BCL2L13: variants seen among roughly 807,000 people sequenced by gnomAD.
BCL2L13 encodes bcl-2-like protein 13.
Under a neutral mutation model 25.8 loss-of-function variants are expected in BCL2L13, and 13 were observed. That is an observed-to-expected ratio of 0.50 (90% CI 0.33 to 0.80). BCL2L13 has a LOEUF of 0.80. Ranked by LOEUF, BCL2L13 falls within the 30% of genes least tolerant of loss-of-function variation. The pLI is 0.02. For synonymous variants in BCL2L13, 244 were observed against 230.3 expected, an observed-to-expected ratio of 1.06 and a Z score of -0.54; for missense variants, 504 against 574.9, an observed-to-expected ratio of 0.88 and a Z score of 1.26.
intron 2 of BCL2L13, among the ~76,000 whole-genome samples, chr22:17,677,402 ATC>A (rs1391111033): frequency 6.6e-6 from 1 of 152,200 alleles, no homozygotes; most frequent in Non-Finnish European, 1.5e-5. Context: ...TTCAAAGCCC[ATC>A]TGAGAATTTG....
At chr22:17,640,683 C>T (rs1385020173) in intron 1 of BCL2L13, among the ~76,000 whole-genome samples, 7 of 148,616 alleles carry the variant, frequency 4.7e-5, no homozygotes, top group Admixed American at 3.4e-4. Flanking sequence ...ATAAGGAGAC[C>T]TTGTCTTCAC....
chr22:17,671,027 G>A (rs1006887806), intron 2 of BCL2L13, among the ~76,000 whole-genome samples: 15 of 152,144 alleles, frequency 9.9e-5, no homozygotes, highest in African/African-American at 3.6e-4. Context: ...TTGGGAGGCC[G>A]AGGTGGGCAG....
intron 2 of BCL2L13, among the ~76,000 whole-genome samples, chr22:17,660,962 A>G (rs1351693085): frequency 7.1e-6 from 1 of 140,670 alleles, no homozygotes; most frequent in Non-Finnish European, 1.6e-5. Context: ...TTTTTTTAGT[A>G]GAGACGGGGC....
intron 2 of BCL2L13, among the ~76,000 whole-genome samples, chr22:17,679,740 C>T (rs2059679374): frequency 6.6e-6 from 1 of 152,010 alleles, no homozygotes; most frequent in African/African-American, 2.4e-5. Context: ...TGCTGTTTTA[C>T]CCCCAAATTT....
At chr22:17,679,458 C>T (rs1250309028) in intron 2 of BCL2L13, among the ~76,000 whole-genome samples, 2 of 151,464 alleles carry the variant, frequency 1.3e-5, no homozygotes, top group African/African-American at 2.4e-5. Context: ...TTAGTAGAGA[C>T]GGGATTTCAC....
intron 6 of BCL2L13, among the ~76,000 whole-genome samples, chr22:17,723,424 T>G (rs1486440408): frequency 6.6e-6 from 1 of 152,240 alleles, no homozygotes; most frequent in East Asian, 1.9e-4. Context: ...AGGAAAAGTT[T>G]GTAAATTACC....
At chr22:17,655,605 C>T in intron 1 of BCL2L13, 57 bp from the exon 2 acceptor site, 1 of 1,377,862 alleles carries the variant, frequency 7.3e-7, no homozygotes. Flanking sequence ...TGTGAAACAA[C>T]TGTTAAAGTG....
intron 6 of BCL2L13, among the ~76,000 whole-genome samples, chr22:17,707,215 T>C (rs2060618976): frequency 6.6e-6 from 1 of 152,194 alleles, no homozygotes; most frequent in African/African-American, 2.4e-5. Flanking sequence ...GGTGTGGATG[T>C]TTACTGTGTT....
chr22:17,699,360 C>T (rs1056635009), intron 5 of BCL2L13, among the ~76,000 whole-genome samples: 7 of 152,076 alleles, frequency 4.6e-5, no homozygotes, highest in Admixed American at 3.9e-4. Flanking sequence ...TAAATTAGTA[C>T]GCTTCATTTC....
chr22:17,654,612 G>A (rs1006594360), intron 1 of BCL2L13, among the ~76,000 whole-genome samples: 1 of 151,380 alleles, frequency 6.6e-6, no homozygotes, highest in Non-Finnish European at 1.5e-5. Context: ...TTTTAGTAGA[G>A]ACGGGGTTTC....
At chr22:17,695,792 C>A in intron 4 of BCL2L13, 2 of 176,044 alleles carry the variant, frequency 1.1e-5, no homozygotes, top group Non-Finnish European at 2.5e-5. Context: ...TTTCATTGTG[C>A]TAATGAGATC....
rs1455512331 is a variant in BCL2L13, at chr22:17,638,793, C to G, written c.-144C>G. ...TGGCGGCGGCGGTAGATTAGGGCCG[C>G]GGGTCGGAGCACTCACCGCCGCTGG... On this transcript the variant is annotated 5_prime_UTR_variant, in exon 1 of 7. Transcript: ENST00000317582. The G allele has an allele frequency of 1.6e-6, 2 of 1,231,638 alleles. No individual in the cohort carries two copies. Among genetic ancestry groups the G allele is most frequent in the African/African-American group, 1.6e-5 (1 of 64,416 alleles). 76.3% of individuals were successfully genotyped at this position (1,231,638 alleles called of 1,614,324 possible).
intron 1 of BCL2L13, among the ~76,000 whole-genome samples, chr22:17,631,632 A>T: frequency 8.3e-6 from 1 of 120,914 alleles, no homozygotes; most frequent in African/African-American, 3.3e-5. Context: ...TTGTCCTTTT[A>T]GTAGGAATGG....
chr22:17,701,795 G>GTAC (rs2060443193), intron 5 of BCL2L13, among the ~76,000 whole-genome samples: 1 of 151,624 alleles, frequency 6.6e-6, no homozygotes, highest in Admixed American at 6.6e-5. Flanking sequence ...GCGTCATGGC[G>GTAC]TACACTTGTA....
rs926085455 is a variant in BCL2L13, at chr22:17,728,161, C to G, written c.*627C>G. ...ATCCTGGAGTGTGAGGGTGCTCGCC[C>G]GTACTCTCAGCTGCCTCTCAGGGAC... On this transcript the variant is annotated 3_prime_UTR_variant, in exon 7 of 7. Transcript: ENST00000317582. The G allele has an allele frequency of 3.9e-5, 6 of 155,206 alleles. No homozygotes were observed. Among genetic ancestry groups the G allele is most frequent in the Non-Finnish European group, 5.7e-5 (4 of 69,884 alleles). 9.6% of individuals were successfully genotyped at this position (155,206 alleles called of 1,614,324 possible). A position where few individuals can be genotyped will look rare whatever the true frequency, so the allele number is the denominator to read the frequency against.
At chr22:17,683,780 AAT>A (rs1347978001) in intron 3 of BCL2L13, among the ~76,000 whole-genome samples, 3 of 151,756 alleles carry the variant, frequency 2.0e-5, no homozygotes, top group African/African-American at 4.8e-5. Flanking sequence ...AAACTTTAAA[AAT>A]AGTTACTCTA....
chr22:17,660,250 T>C (rs984699634), intron 2 of BCL2L13, among the ~76,000 whole-genome samples: 4 of 146,614 alleles, frequency 2.7e-5, no homozygotes, highest in African/African-American at 9.7e-5. Flanking sequence ...ATTTCCGGAT[T>C]TTTTTCCCCA....
intron 4 of BCL2L13, among the ~76,000 whole-genome samples, chr22:17,690,710 C>T (rs2060081671): frequency 6.6e-6 from 1 of 152,102 alleles, no homozygotes; most frequent in South Asian, 2.1e-4. Flanking sequence ...CTGCAGTAAG[C>T]TATGATCACA....
chr22:17,660,968 G>A (rs1212395768), intron 2 of BCL2L13, among the ~76,000 whole-genome samples: 3 of 140,030 alleles, frequency 2.1e-5, no homozygotes, highest in East Asian at 2.1e-4. Flanking sequence ...TAGTAGAGAC[G>A]GGGCTTCACC....
Sources: gnomAD v4.1 joint callset for allele counts (sites outside exome capture counted in the v4.1 genomes callset) on GRCh38, gnomAD v4.1.1 for gene constraint, MANE v1.5 for transcripts, NCBI Gene and HGNC (gene_info 2026-07-23, HGNC 2026-07-21) for gene names.